Variants in SAR1B observed in about 807,000 individuals in gnomAD.
SAR1B encodes small COPII coat GTPase SAR1B.
A neutral mutation model predicts 26.8 loss-of-function variants in SAR1B; 23 were observed. The observed-to-expected ratio is 0.86, with a 90% CI of 0.62 to 1.22. The LOEUF (loss-of-function observed/expected upper bound fraction) is 1.22. Among genes scored for constraint, SAR1B ranks in the 50% most tolerant of loss-of-function variants. The pLI, the probability that SAR1B is intolerant of heterozygous loss-of-function variation, is 0.00. For missense variants in SAR1B, 196 were observed against 232.8 expected (o/e 0.84, Z 1.03); for synonymous variants, 65 against 80.8 (o/e 0.80, Z 1.05).
At chr5:134,618,020 A>T (rs200392136) in intron 3 of SAR1B, among the ~76,000 whole-genome samples, 1 of 147,370 alleles carries the variant, frequency 6.8e-6, no homozygotes, top group Non-Finnish European at 1.5e-5. Context: ...CTCCTAATAT[A>T]AAAAAAAGAT....
intron 5 of SAR1B, 102 bp from the exon 6 acceptor site, chr5:134,608,605 C>A (rs1436198142): frequency 1.6e-6 from 2 of 1,239,100 alleles, no homozygotes; most frequent in East Asian, 2.5e-5. Context: ...TCTACCATAT[C>A]ATGTCATACC....
At chr5:134,618,836 A>G (rs1006958663) in intron 3 of SAR1B, among the ~76,000 whole-genome samples, 1 of 151,748 alleles carries the variant, frequency 6.6e-6, no homozygotes, top group African/African-American at 2.4e-5. Flanking sequence ...GGTCTCTACT[A>G]AAAATACAAA....
rs1227988516 is a variant in SAR1B at position 134,605,544 on chromosome 5, C to G, written c.*1406G>C. 5.3e-5 allele frequency: 8 copies of G among 151,592 alleles called. No individual in the cohort carries two copies. The highest frequency in any genetic ancestry group is 1.7e-4 in the African/African-American group (7 of 41,258). 9.4% of individuals were successfully genotyped at this position (151,592 alleles called of 1,614,324 possible). ...GTCAGGTCAGGCATGGTAGCTCACGCCTATAATCCCAGAACTTTGGGAGGC... is the reference window on the plus strand; with the variant it reads ...GTCAGGTCAGGCATGGTAGCTCACGGCTATAATCCCAGAACTTTGGGAGGC... On this transcript the variant is annotated 3_prime_UTR_variant, in exon 7 of 7. Transcript: ENST00000402673.
intron 1 of SAR1B, among the ~76,000 whole-genome samples, chr5:134,630,894 T>TC (rs1765592361): frequency 7.2e-6 from 1 of 138,398 alleles, no homozygotes; most frequent in Admixed American, 7.1e-5. Context: ...TTTTTCTTTT[T>TC]TTTTTTTTTT....
At chr5:134,608,636 C>A in intron 5 of SAR1B, 133 bp from the exon 6 acceptor site, 1 of 1,000,364 alleles carries the variant, frequency 1.0e-6, no homozygotes, top group Non-Finnish European at 1.5e-6. Flanking sequence ...GTCAAACTTT[C>A]CCCACATTTT....
In SAR1B at chr5:134,609,690, A is replaced by AGGGGTT; in HGVS notation, c.245-22_245-17dup. ...ACTCTTCGAGCTAACAAAAACAATC[A>AGGGGTT]GGGGTTAGAGTTTACTTGTTGGTCA... On this transcript the variant is annotated splice_polypyrimidine_tract_variant and intron_variant, in intron 4 of 6. Coordinates refer to ENST00000402673, the MANE Select transcript of SAR1B (RefSeq NM_016103.4). 6.2e-7 allele frequency: 1 copy of AGGGGTT among 1,604,312 alleles called. No individual in the cohort carries two copies. The highest frequency in any genetic ancestry group is 8.5e-7 in the Non-Finnish European group (1 of 1,171,046).
chr5:134,608,070 CA>C (rs1158853732), intron 6 of SAR1B, among the ~76,000 whole-genome samples: 1 of 152,156 alleles, frequency 6.6e-6, no homozygotes, highest in African/African-American at 2.4e-5. Flanking sequence ...CTTAAACACT[CA>C]AATATATCGT....
chr5:134,624,339 G>A (rs981772430), intron 1 of SAR1B, among the ~76,000 whole-genome samples: 3 of 152,144 alleles, frequency 2.0e-5, no homozygotes, highest in South Asian at 2.1e-4. Context: ...AACCCAAGAA[G>A]TGGAGGTTGC....
At chr5:134,614,487 G>C (rs1290284427) in intron 3 of SAR1B, 1 of 152,210 alleles carries the variant, frequency 6.6e-6, no homozygotes, top group African/African-American at 2.4e-5. Context: ...TTTAACATTT[G>C]TTAGAAGGCT....
chr5:134,625,710 G>A (rs1187183690), intron 1 of SAR1B: 1 of 152,170 alleles, frequency 6.6e-6, no homozygotes, highest in East Asian at 1.9e-4. Context: ...AAAGAAAAAT[G>A]GAGGTGACAG....
At chr5:134,617,962 C>T (rs1325928210) in intron 3 of SAR1B, among the ~76,000 whole-genome samples, 2 of 152,082 alleles carry the variant, frequency 1.3e-5, no homozygotes, top group Non-Finnish European at 2.9e-5. Flanking sequence ...TTTTCTTTAA[C>T]AGAATTGTTC....
rs530922876 is a variant in SAR1B at position 134,605,391 on chromosome 5, CAT to C, written c.*1557_*1558del. 49 of 151,998 alleles carry C rather than the reference CAT, an allele frequency of 3.2e-4. No individual in the cohort carries two copies. Among genetic ancestry groups the C allele is most frequent in the African/African-American group, 1.2e-3 (48 of 41,492 alleles). 9.4% of individuals were successfully genotyped at this position (151,998 alleles called of 1,614,324 possible). On this transcript the variant is annotated 3_prime_UTR_variant, in exon 7 of 7. Transcript: ENST00000402673. ...TATTACTAATGATGGGAATCTCAAA[CAT>C]ATAAAAAAAGAATTCAGTTTCTTAG...
In SAR1B at chr5:134,618,760, G is replaced by A. The variant is rs186380222; in HGVS notation, c.178+2173C>T. On this transcript the variant is annotated intron_variant, in intron 3 of 6. Coordinates refer to ENST00000402673, the MANE Select transcript of SAR1B (RefSeq NM_016103.4). The stretch of plus-strand genomic sequence containing the variant: ...CGCCTGTAATCCCAACACTTTGGGA[G>A]GCCAAGGCAGGTGGATCACTTGTGG... 2.1e-3 allele frequency among the ~76,000 whole-genome samples: 317 copies of A among 152,320 alleles called. 2 individuals carry two copies. Among genetic ancestry groups the A allele is most frequent in the African/African-American group, 7.3e-3 (303 of 41,576 alleles).
rs367772885 is a variant in SAR1B, at chr5:134,629,093, C to T, written c.-19+3635G>A. On this transcript the variant is annotated intron_variant, in intron 1 of 6. Coordinates refer to ENST00000402673, the MANE Select transcript of SAR1B (RefSeq NM_016103.4). ...TCACACCACTGCATTCCAACCTGGG[C>T]AACATAGTGAGACCCTGTCTTTAAA... Among the ~76,000 whole-genome samples the T allele has an allele frequency of 3.0e-4, 44 of 149,122 alleles. No homozygotes were observed. The East Asian group carries it at 4.2e-3, about 14-fold the overall frequency.
chr5:134,615,133 G>A (rs928179721), intron 3 of SAR1B, among the ~76,000 whole-genome samples: 3 of 152,086 alleles, frequency 2.0e-5, no homozygotes, highest in African/African-American at 7.2e-5. Flanking sequence ...CAGATCACGA[G>A]GTCAGGAGAT....
intron 4 of SAR1B, 83 bp downstream of exon 4, chr5:134,612,608 G>GCA (rs2150051108): frequency 2.5e-6 from 3 of 1,213,974 alleles, no homozygotes; most frequent in Non-Finnish European, 2.1e-6. Flanking sequence ...TTGCACCACT[G>GCA]CACTCCAGCC....
intron 1 of SAR1B, chr5:134,632,217 A>C (rs1439880907): frequency 6.6e-6 from 1 of 152,070 alleles, no homozygotes; most frequent in Non-Finnish European, 1.5e-5. Context: ...CAACAACAAA[A>C]ATTTAAAAAA....
rs116797509 is a variant in SAR1B, at chr5:134,606,696, G to A, written c.*254C>T. On this transcript the variant is annotated 3_prime_UTR_variant, in exon 7 of 7. Coordinates refer to ENST00000402673, the MANE Select transcript of SAR1B (RefSeq NM_016103.4). ...TGGAAAGTTGCTCTTTACAAATGGCGCTGGGGTGATGTCAGATTATAAACT... is the reference window on the plus strand; with the variant it reads ...TGGAAAGTTGCTCTTTACAAATGGCACTGGGGTGATGTCAGATTATAAACT... The A allele has an allele frequency of 1.3e-3, 553 of 421,102 alleles. 3 individuals are homozygous for A. Among genetic ancestry groups the A allele is most frequent in the African/African-American group, 9.9e-3 (490 of 49,544 alleles). The allele number at this position is 421,102 out of a possible 1,614,324, so 26.1% of individuals were successfully genotyped here.
chr5:134,615,064 G>A (rs149109486), intron 3 of SAR1B, among the ~76,000 whole-genome samples: 1,551 of 152,130 alleles, frequency 0.01, 18 homozygotes, highest in Non-Finnish European at 0.017. Context: ...AAGAAATTCT[G>A]GGGGCCGGGC....
Sources: gnomAD v4.1 joint callset for allele counts (sites outside exome capture counted in the v4.1 genomes callset) on GRCh38, gnomAD v4.1.1 for gene constraint, MANE v1.5 for transcripts, NCBI Gene and HGNC (gene_info 2026-07-23, HGNC 2026-07-21) for gene names.